GLIS3: variants seen among roughly 807,000 people sequenced by gnomAD.
The protein encoded by GLIS3 is zinc finger protein GLIS3.
In GLIS3, 53 loss-of-function variants were observed where a neutral mutation model predicts 78.6. The observed-to-expected ratio is 0.67, with a 90% CI of 0.54 to 0.85. The LOEUF (loss-of-function observed/expected upper bound fraction) is 0.85, where lower values mean the gene tolerates loss of function less well. GLIS3 is among the 40% of genes least tolerant of loss of function. The pLI, the probability that GLIS3 is intolerant of heterozygous loss-of-function variation, is 0.00. For missense variants in GLIS3, 1,703 were observed against 1,231.1 expected (o/e 1.38, Z -5.74); for synonymous variants, 684 against 509.9 (o/e 1.34, Z -4.60).
chr9:4,304,285 G>A (rs765212804), upstream of GLIS3, among the ~76,000 whole-genome samples: 1 of 152,242 alleles, frequency 6.6e-6, no homozygotes, highest in Non-Finnish European at 1.5e-5. Flanking sequence ...CACAGTTAGT[G>A]TGTAGGGAGT....
intron 6 of GLIS3, among the ~76,000 whole-genome samples, chr9:3,925,794 A>G (rs1226834657): frequency 6.6e-6 from 1 of 152,226 alleles, no homozygotes; most frequent in Non-Finnish European, 1.5e-5. Context: ...TTTAATGTTA[A>G]AAGTGTTTGA....
the GLIS3 span, among the ~76,000 whole-genome samples, chr9:4,449,171 C>T: frequency 1.4e-4 from 22 of 152,284 alleles, no homozygotes; most frequent in African/African-American, 3.9e-4. Context: ...GATTATATAC[C>T]ATGCATGGCT....
chr9:4,484,036 T>C, the GLIS3 span, among the ~76,000 whole-genome samples: 118 of 152,350 alleles, frequency 7.7e-4, no homozygotes, highest in East Asian at 0.021. Context: ...GCTTTTGTTG[T>C]TGTTGTTGTT....
Position 4,260,571 on chromosome 9 carries a change from A to G in GLIS3, c.388+25467T>C, listed in dbSNP as rs60680262. On this transcript the variant is annotated intron_variant, in intron 2 of 10. Transcript: ENST00000381971. ...AACTGAGTGAGACTCTGTCTCAAAA[A>G]AAAAAAAAAAAGATAAATACAAAAA... Among the ~76,000 whole-genome samples, 127 of 150,836 alleles carry G rather than the reference A, an allele frequency of 8.4e-4. 2 individuals are homozygous for G. In the East Asian group the frequency reaches 0.022, roughly 26 times the overall value.
the GLIS3 span, among the ~76,000 whole-genome samples, chr9:4,456,016 G>C: frequency 6.6e-6 from 1 of 152,114 alleles, no homozygotes; most frequent in Admixed American, 6.6e-5. Context: ...GCTGAGGCAG[G>C]AGAATGGCTC....
chr9:3,832,399 CG>C (rs1301547638), intron 9 of GLIS3, among the ~76,000 whole-genome samples: 2 of 152,038 alleles, frequency 1.3e-5, no homozygotes, highest in African/African-American at 4.8e-5. Context: ...GTGGCATACC[CG>C]CTGTTCCTAG....
At chr9:3,912,280 C>G (rs1404169207) in intron 6 of GLIS3, among the ~76,000 whole-genome samples, 2 of 152,162 alleles carry the variant, frequency 1.3e-5, no homozygotes, top group African/African-American at 4.8e-5. Flanking sequence ...TTATTAGCCT[C>G]AGAACTAGCG....
At chr9:4,287,702 T>G (rs930366337) in intron 1 of GLIS3, among the ~76,000 whole-genome samples, 13 of 152,048 alleles carry the variant, frequency 8.5e-5, no homozygotes, top group Non-Finnish European at 1.9e-4. Context: ...GAACAAACAT[T>G]TTTCAACTCA....
At chr9:3,949,890 G>T (rs1233851050) in intron 4 of GLIS3, among the ~76,000 whole-genome samples, 1 of 152,168 alleles carries the variant, frequency 6.6e-6, no homozygotes, top group African/African-American at 2.4e-5. Context: ...AAGACACATG[G>T]CTATGGATTG....
At chr9:3,893,978 C>G (rs970997544) in intron 7 of GLIS3, among the ~76,000 whole-genome samples, 7 of 152,172 alleles carry the variant, frequency 4.6e-5, no homozygotes, top group Non-Finnish European at 1.0e-4. Context: ...CTGCATTCTC[C>G]AATCTAACTC....
At chr9:4,299,185 G>T (rs1816888788) in intron 1 of GLIS3, among the ~76,000 whole-genome samples, 1 of 152,198 alleles carries the variant, frequency 6.6e-6, no homozygotes, top group African/African-American at 2.4e-5. Context: ...CAGAAACATG[G>T]TTTGAACCCT....
chr9:4,294,355 C>T (rs1318931263), intron 1 of GLIS3, among the ~76,000 whole-genome samples: 2 of 152,038 alleles, frequency 1.3e-5, no homozygotes, highest in African/African-American at 4.8e-5. Context: ...ACTAAAAATA[C>T]AAAATTAGCC....
Position 3,827,108 on chromosome 9 carries a change from G to C in GLIS3, c.*1164C>G, listed in dbSNP as rs1817764898. ...TTCCCAAGATGATCAGACAATGGCG[G>C]CTGGTGGGGATATATGAACCACAGT... On this transcript the variant is annotated 3_prime_UTR_variant, in exon 11 of 11. Transcript: ENST00000381971. The C allele has an allele frequency of 6.6e-6, 1 of 152,202 alleles. No homozygotes were observed. Among genetic ancestry groups the C allele is most frequent in the African/African-American group, 2.4e-5 (1 of 41,452 alleles). 9.4% of individuals were successfully genotyped at this position (152,202 alleles called of 1,614,324 possible).
At chr9:4,419,070 T>A in the GLIS3 span, among the ~76,000 whole-genome samples, 4 of 152,200 alleles carry the variant, frequency 2.6e-5, no homozygotes, top group African/African-American at 9.6e-5. Context: ...AATTACAAAA[T>A]ACACCATTGC....
At chr9:3,867,410 C>T (rs1024563803) in intron 8 of GLIS3, among the ~76,000 whole-genome samples, 1 of 152,174 alleles carries the variant, frequency 6.6e-6, no homozygotes, top group Non-Finnish European at 1.5e-5. Context: ...GAAGAAAGTT[C>T]ATTCCAAAGG....
intron 2 of GLIS3, among the ~76,000 whole-genome samples, chr9:4,218,797 A>C (rs1443976137): frequency 1.3e-5 from 2 of 152,182 alleles, no homozygotes; most frequent in Non-Finnish European, 2.9e-5. Flanking sequence ...CCTTTCTCCT[A>C]GTCTCTCACA....
chr9:4,240,108 T>C (rs1353763004), intron 2 of GLIS3, among the ~76,000 whole-genome samples: 3 of 149,950 alleles, frequency 2.0e-5, no homozygotes, highest in African/African-American at 4.9e-5. Flanking sequence ...TTACAATTAA[T>C]TCACCATCTA....
At chr9:4,283,229 C>A (rs938696335) in intron 2 of GLIS3, among the ~76,000 whole-genome samples, 3 of 151,782 alleles carry the variant, frequency 2.0e-5, no homozygotes, top group Non-Finnish European at 4.4e-5. Context: ...CTGAGTGTAT[C>A]CCTACCGGAG....
intron 4 of GLIS3, among the ~76,000 whole-genome samples, chr9:4,064,143 G>C (rs201202225): frequency 0.036 from 5,449 of 152,016 alleles, 415 homozygotes; most frequent in East Asian, 0.23. Flanking sequence ...GTCTCAATAG[G>C]AAAATGATAG....
Sources: allele counts gnomAD v4.1 joint callset (sites outside exome capture counted in the v4.1 genomes callset), GRCh38; gene constraint gnomAD v4.1.1; transcripts MANE v1.5; gene names NCBI Gene and HGNC (gene_info 2026-07-23, HGNC 2026-07-21).